The following EFCAB5 variants were observed in gnomAD, a reference collection of about 807,000 sequenced individuals.
EFCAB5 encodes the protein EF-hand calcium binding domain 5, also known as EF-hand calcium-binding domain-containing protein 5.
Under a neutral mutation model 167.9 loss-of-function variants are expected in EFCAB5, and 131 were observed. That is an observed-to-expected ratio of 0.78 (90% confidence interval 0.68 to 0.90). The LOEUF (loss-of-function observed/expected upper bound fraction) is 0.90, where lower values mean the gene tolerates loss of function less well. EFCAB5 is among the 40% of genes least tolerant of loss of function. The pLI is 0.00. For missense variants in EFCAB5, 1,663 were observed against 1,745.2 expected, an observed-to-expected ratio of 0.95 and a Z score of 0.84; for synonymous variants, 574 against 602.8, an observed-to-expected ratio of 0.95 and a Z score of 0.70.
At chr17:30,017,038 A>G (rs1473163467) in intron 7 of EFCAB5, among the ~76,000 whole-genome samples, 1 of 152,040 alleles carries the variant, frequency 6.6e-6, no homozygotes, top group African/African-American at 2.4e-5. Context: ...TTAGCTTGGC[A>G]CAATGGCACG....
Position 29,993,959 on chromosome 17 carries a change from G to A in EFCAB5, c.924+638G>A, listed in dbSNP as rs75939623. ...TATAGGGAGACCCTACTTTTATGAA[G>A]AATTTAGAAATTATCCAGGCTGTGG... On this transcript the variant is annotated intron_variant, in intron 5 of 22. Transcript: ENST00000394835. Among the ~76,000 whole-genome samples the A allele has an allele frequency of 4.5e-3, 674 of 150,794 alleles. 19 individuals are homozygous for A. Among genetic ancestry groups the A allele is most frequent in the Admixed American group, 0.037 (560 of 15,108 alleles).
chr17:30,033,363 C>T (rs184224622), intron 7 of EFCAB5, among the ~76,000 whole-genome samples: 2 of 152,314 alleles, frequency 1.3e-5, no homozygotes, highest in East Asian at 3.9e-4. Flanking sequence ...CAGGCGTGAG[C>T]CACCGTGCCC....
intron 18 of EFCAB5, among the ~76,000 whole-genome samples, chr17:30,083,873 G>C (rs771417574): frequency 3.3e-5 from 5 of 152,220 alleles, no homozygotes; most frequent in Non-Finnish European, 2.9e-5. Flanking sequence ...AGGAGCTGCT[G>C]TTTTGGAAGG....
chr17:30,078,453 T>TG lies in EFCAB5; in HGVS notation c.2980dup (p.Val994GlyfsTer8), dbSNP rs2070914527. 2 of 1,613,564 alleles carry TG rather than the reference T, an allele frequency of 1.2e-6. No individual in the cohort carries two copies. Among genetic ancestry groups the TG allele is most frequent in the Admixed American group, 1.7e-5 (1 of 59,966 alleles). On this transcript the variant is annotated frameshift_variant, in exon 15 of 23. Coordinates refer to ENST00000394835, the MANE Select transcript of EFCAB5 (RefSeq NM_198529.4). LOFTEE classifies it high-confidence loss of function. ...AAATCCAATGTGCTGCAGAGACAAG[T>TG]GGGGTGTCCCTAGAGCCGGTGTATA...
chr17:30,081,570 G>A (rs1056273188), intron 17 of EFCAB5, among the ~76,000 whole-genome samples: 1 of 152,182 alleles, frequency 6.6e-6, no homozygotes, highest in Non-Finnish European at 1.5e-5. Context: ...GATAGAACTT[G>A]CAATAAAGGA....
At chr17:29,975,403 G>T (rs145714576) in intron 4 of EFCAB5, among the ~76,000 whole-genome samples, 4,209 of 151,940 alleles carry the variant, frequency 0.028, 163 homozygotes, top group African/African-American at 0.094. Flanking sequence ...TTACAGGTGC[G>T]TACCACCATG....
At chr17:30,046,776 C>A (rs777065298) in intron 8 of EFCAB5, among the ~76,000 whole-genome samples, 2 of 152,156 alleles carry the variant, frequency 1.3e-5, no homozygotes, top group African/African-American at 4.8e-5. Flanking sequence ...CCTTTAATAA[C>A]TTCTCTTGGG....
intron 7 of EFCAB5, among the ~76,000 whole-genome samples, chr17:30,005,915 C>T (rs976484941): frequency 6.6e-6 from 1 of 152,184 alleles, no homozygotes; most frequent in Non-Finnish European, 1.5e-5. Flanking sequence ...CTGCTGACTC[C>T]AAGTTTTAGA....
chr17:30,107,493 G>T (rs2071463941), intron 22 of EFCAB5, among the ~76,000 whole-genome samples: 1 of 152,106 alleles, frequency 6.6e-6, no homozygotes, highest in Non-Finnish European at 1.5e-5. Context: ...ATATGCTAAT[G>T]AATCCATAAA....
intron 14 of EFCAB5, among the ~76,000 whole-genome samples, chr17:30,077,790 C>T (rs985631874): frequency 2.0e-4 from 30 of 152,102 alleles, no homozygotes; most frequent in African/African-American, 6.0e-4. Flanking sequence ...TTTACAAACA[C>T]GTATTGAGCA....
At chr17:30,034,427 T>G (rs894595012) in intron 8 of EFCAB5, 42 bp downstream of exon 8, 3 of 1,546,666 alleles carry the variant, frequency 1.9e-6, no homozygotes, top group African/African-American at 2.7e-5. Context: ...GGCCAGACAC[T>G]GTGGCTCACG....
intron 14 of EFCAB5, among the ~76,000 whole-genome samples, chr17:30,061,163 T>C (rs2151799062): frequency 6.6e-6 from 1 of 152,280 alleles, no homozygotes; most frequent in South Asian, 2.1e-4. Context: ...GGAGGCAGAA[T>C]CTGCTGCCAG....
At chr17:30,066,417 T>A (rs2070572635) in intron 14 of EFCAB5, among the ~76,000 whole-genome samples, 1 of 152,106 alleles carries the variant, frequency 6.6e-6, no homozygotes, top group Non-Finnish European at 1.5e-5. Flanking sequence ...TTTATTTATT[T>A]TTTAAATTTT....
intron 4 of EFCAB5, among the ~76,000 whole-genome samples, chr17:29,985,598 A>C (rs2068264523): frequency 6.6e-6 from 1 of 152,214 alleles, no homozygotes; most frequent in South Asian, 2.1e-4. Context: ...GGTTAACTAA[A>C]ATGGGAAACA....
chr17:29,993,115 C>A, intron 4 of EFCAB5, 50 bp from the exon 5 acceptor site: 2 of 1,482,436 alleles, frequency 1.3e-6, no homozygotes, highest in African/African-American at 1.4e-5. Flanking sequence ...CAATCTGGAC[C>A]AAATCCAAGG....
intron 4 of EFCAB5, among the ~76,000 whole-genome samples, chr17:29,973,248 T>A (rs545983455): frequency 1.5e-4 from 23 of 152,292 alleles, no homozygotes; most frequent in African/African-American, 5.3e-4. Context: ...CCTTTCTGTA[T>A]CTTAGCCAGC....
chr17:30,080,032 G>C, intron 15 of EFCAB5, 40 bp from the exon 16 acceptor site: 1 of 1,571,490 alleles, frequency 6.4e-7, no homozygotes. Flanking sequence ...GGAGTTCTTT[G>C]GCTGTTGGCA....
chr17:30,080,903 TG>T lies in EFCAB5; in HGVS notation c.3352del (p.Val1118SerfsTer13), dbSNP rs2070975868. ...TTCAAGATGCATATATGAGGATCTT[TG>T]GGGTCTTGGCTGTTGATACCCTTAG... ...PLQDAYMRIF[G>X]VLAVDTLRDP... is the part of the protein sequence containing the mutation. On this transcript the variant is annotated frameshift_variant, in exon 17 of 23. Transcript: ENST00000394835. LOFTEE classifies it high-confidence loss of function. The T allele has an allele frequency of 1.2e-6, 2 of 1,613,716 alleles. No individual in the cohort carries two copies. The highest frequency in any genetic ancestry group is 1.7e-6 in the Non-Finnish European group (2 of 1,179,864).
At position 29,969,215 on chromosome 17, in the gene EFCAB5, A is replaced by G. The variant is rs767980649; in HGVS notation, c.615A>G (p.Pro205=). 1 of 1,613,808 alleles carries G rather than the reference A, an allele frequency of 6.2e-7. No homozygotes were observed. Among genetic ancestry groups the G allele is most frequent in the South Asian group, 1.1e-5 (1 of 91,086 alleles). ...AGGTTTTGACAGAAGCTGATACTCC[A>G]AGCAAGTTTGACCCAATTAATTATT... The part of the protein sequence containing the change: ...KKKVLTEADT[P]SKFDPINYLG... The change falls in exon 4 of 23, where the codon CCA becomes CCG. Residue 205 remains proline (P), a synonymous_variant. Coordinates refer to ENST00000394835, the MANE Select transcript of EFCAB5 (RefSeq NM_198529.4).
Sources: allele counts gnomAD v4.1 joint callset (sites outside exome capture counted in the v4.1 genomes callset), GRCh38; gene constraint gnomAD v4.1.1; transcripts MANE v1.5; gene names NCBI Gene and HGNC (gene_info 2026-07-23, HGNC 2026-07-21).